USH2A: variants seen among roughly 807,000 people sequenced by gnomAD.
The protein encoded by USH2A is Usher syndrome 2A (autosomal recessive, mild).
USH2A carries 443 observed loss-of-function variants against 538.9 expected under a neutral mutation model. The ratio of observed to expected loss-of-function variants is 0.82; its 90% confidence interval spans 0.76 to 0.89. USH2A has a LOEUF of 0.89. USH2A is among the 40% of genes least tolerant of loss of function. USH2A has a pLI of 0.00. For synonymous variants in USH2A, 2,413 were observed against 2,273.5 expected (o/e 1.06, Z -1.75); for missense variants, 6,633 against 6,324.8 (o/e 1.05, Z -1.65).
At chr1:216,245,119 C>CTTT in intron 13 of USH2A, among the ~76,000 whole-genome samples, 1 of 152,042 alleles carries the variant, frequency 6.6e-6, no homozygotes, top group Non-Finnish European at 1.5e-5. Context: ...AAAGGATTAA[C>CTTT]CTGAAGGTAA....
chr1:216,125,222 G>T (rs2033223950), intron 21 of USH2A, among the ~76,000 whole-genome samples: 1 of 141,148 alleles, frequency 7.1e-6, no homozygotes. Context: ...CATTGAATCA[G>T]CTTTTATTTA....
At chr1:215,969,329 C>T (rs76212130) in intron 36 of USH2A, among the ~76,000 whole-genome samples, 4 of 152,108 alleles carry the variant, frequency 2.6e-5, no homozygotes, top group Non-Finnish European at 5.9e-5. Context: ...CTATTCCCCC[C>T]TTCCTATCAG....
At chr1:216,039,369 T>C (rs1201896627) in intron 32 of USH2A, among the ~76,000 whole-genome samples, 1 of 152,006 alleles carries the variant, frequency 6.6e-6, no homozygotes, top group Non-Finnish European at 1.5e-5. Flanking sequence ...TACAATTTAA[T>C]ACTATATGAC....
At chr1:215,842,927 G>A (rs1571739701) in intron 46 of USH2A, among the ~76,000 whole-genome samples, 1 of 151,866 alleles carries the variant, frequency 6.6e-6, no homozygotes, top group East Asian at 1.9e-4. Context: ...GTTTACCTAG[G>A]TAACAAACCT....
At chr1:215,783,596 T>G (rs1003431030) in intron 52 of USH2A, among the ~76,000 whole-genome samples, 1 of 152,180 alleles carries the variant, frequency 6.6e-6, no homozygotes, top group Admixed American at 6.5e-5. Context: ...AGATGAACAC[T>G]CATGTGATTC....
At chr1:216,223,860 G>A (rs2035509436) in intron 14 of USH2A, among the ~76,000 whole-genome samples, 1 of 152,156 alleles carries the variant, frequency 6.6e-6, no homozygotes. Flanking sequence ...AGATCAATCG[G>A]ATAAAGGCCT....
chr1:215,814,025 A>G, intron 48 of USH2A, 121 bp from the exon 49 acceptor site: 1 of 1,137,434 alleles, frequency 8.8e-7, no homozygotes, highest in South Asian at 1.4e-5. Flanking sequence ...CATATTACTC[A>G]TATTTCGTTG....
chr1:216,386,541 C>CTATATATA (rs66638535), intron 3 of USH2A, among the ~76,000 whole-genome samples: 8 of 133,070 alleles, frequency 6.0e-5, no homozygotes, highest in African/African-American at 8.2e-5. Context: ...AACCAAAAAA[C>CTATATATA]TATATATATA....
At position 215,844,284 on chromosome 1, in the gene USH2A, A is replaced by G. The variant is rs756085384; in HGVS notation, c.9258+10T>C. On this transcript the variant is annotated intron_variant, in intron 46 of 71. Coordinates refer to ENST00000307340, the MANE Select transcript of USH2A (RefSeq NM_206933.4). ...CCATAAGCCTAACCATCAAAAAACA[A>G]TGTTCTAACCTGAATGTCATAGATA... The G allele has an allele frequency of 3.7e-6, 6 of 1,613,052 alleles. No homozygotes were observed. Among genetic ancestry groups the G allele is most frequent in the Non-Finnish European group, 5.1e-6 (6 of 1,179,486 alleles).
At chr1:215,751,812 A>G (rs1358878680) in intron 58 of USH2A, among the ~76,000 whole-genome samples, 1 of 152,166 alleles carries the variant, frequency 6.6e-6, no homozygotes, top group Non-Finnish European at 1.5e-5. Flanking sequence ...ATGGAGTTTT[A>G]CCATGCCATC....
intron 20 of USH2A, among the ~76,000 whole-genome samples, chr1:216,189,432 C>T (rs1558306331): frequency 4.0e-5 from 6 of 151,704 alleles, no homozygotes; most frequent in Non-Finnish European, 8.8e-5. Context: ...TTAAAGATAA[C>T]CAGGAAACTA....
At chr1:215,989,420 C>A (rs1252149510) in intron 35 of USH2A, among the ~76,000 whole-genome samples, 1 of 152,098 alleles carries the variant, frequency 6.6e-6, no homozygotes, top group Non-Finnish European at 1.5e-5. Flanking sequence ...CACCTCCCCA[C>A]CTTGTGAGAA....
At position 215,782,180 on chromosome 1, in the gene USH2A, G is replaced by A. The variant is rs1045828638; in HGVS notation, c.10602C>T (p.Tyr3534=). Residue 3534 remains tyrosine, a synonymous_variant, in exon 54 of 72, where the codon TAC becomes TAT. Transcript: ENST00000307340. ...GTTCAATTCCATTTCGAAGAAGGAT[G>A]TAGTAAATAATAGGACCTAAAAGAA... The part of the protein sequence containing the change: ...PIQSNGPIIY[Y]ILLRNGIERF... 2.5e-6 allele frequency: 4 copies of A among 1,613,718 alleles called. No individual in the cohort carries two copies. The African/African-American group carries it at 5.3e-5, about 22-fold the overall frequency.
chr1:216,079,490 C>T (rs1474833679), intron 26 of USH2A, among the ~76,000 whole-genome samples: 2 of 152,096 alleles, frequency 1.3e-5, no homozygotes, highest in Non-Finnish European at 1.5e-5. Context: ...GACTAATATG[C>T]ATGACATGAG....
At chr1:216,261,875 A>G (rs2036380412) in intron 11 of USH2A, among the ~76,000 whole-genome samples, 1 of 152,124 alleles carries the variant, frequency 6.6e-6, no homozygotes, top group Non-Finnish European at 1.5e-5. Context: ...TAACTCACTC[A>G]ATAAGCCTGA....
chr1:216,027,057 G>A (rs1335185058), intron 32 of USH2A, among the ~76,000 whole-genome samples: 1 of 152,080 alleles, frequency 6.6e-6, no homozygotes. Flanking sequence ...CATAATCATT[G>A]CAAAGCAGAC....
chr1:216,213,860 C>T (rs904092942), intron 15 of USH2A, among the ~76,000 whole-genome samples: 2 of 151,988 alleles, frequency 1.3e-5, no homozygotes, highest in Admixed American at 1.3e-4. Context: ...AATTCTTTAA[C>T]TCAGTAAGAG....
intron 32 of USH2A, among the ~76,000 whole-genome samples, chr1:216,028,370 G>C (rs1248932379): frequency 6.6e-6 from 1 of 151,936 alleles, no homozygotes; most frequent in Non-Finnish European, 1.5e-5. Flanking sequence ...CTGGGCGACA[G>C]AGTGAGACCC....
intron 12 of USH2A, among the ~76,000 whole-genome samples, chr1:216,247,513 TTTTCTC>T (rs2036076977): frequency 6.6e-6 from 1 of 152,196 alleles, no homozygotes; most frequent in South Asian, 2.1e-4. Context: ...CTGGAGCTCT[TTTTCTC>T]TTTAACAAAT....
Sources: gnomAD v4.1 joint callset for allele counts (sites outside exome capture counted in the v4.1 genomes callset) on GRCh38, gnomAD v4.1.1 for gene constraint, MANE v1.5 for transcripts, NCBI Gene and HGNC (gene_info 2026-07-23, HGNC 2026-07-21) for gene names.